Variants in CEP112 observed in about 807,000 individuals in gnomAD.
CEP112 encodes centrosomal protein of 112 kDa.
In CEP112, 127 loss-of-function variants were observed where a neutral mutation model predicts 153.0. That is an observed-to-expected ratio of 0.83 (90% CI 0.72 to 0.96). The LOEUF (loss-of-function observed/expected upper bound fraction) is 0.96, where lower values mean the gene tolerates loss of function less well. Ranked by LOEUF, CEP112 falls within the 40% of genes least tolerant of loss-of-function variation. CEP112 has a pLI of 0.00. For missense variants in CEP112, 1,089 were observed against 1,101.2 expected, an observed-to-expected ratio of 0.99 and a Z score of 0.16; for synonymous variants, 358 against 374.4, an observed-to-expected ratio of 0.96 and a Z score of 0.51.
intron 7 of CEP112, 70 bp from the exon 8 acceptor site, chr17:66,096,398 C>G (rs2068346085): frequency 2.1e-6 from 3 of 1,450,524 alleles, no homozygotes; most frequent in Non-Finnish European, 1.9e-6. Flanking sequence ...AAGAAAACTT[C>G]TAAATTGCCT....
intron 23 of CEP112, among the ~76,000 whole-genome samples, chr17:65,733,777 C>T (rs982040826): frequency 3.9e-5 from 6 of 152,140 alleles, no homozygotes; most frequent in South Asian, 4.1e-4. Flanking sequence ...GCACTTCCAT[C>T]GAAACAAACA....
intron 24 of CEP112, among the ~76,000 whole-genome samples, chr17:65,678,315 C>T (rs1422822755): frequency 2.0e-5 from 3 of 152,050 alleles, no homozygotes; most frequent in Non-Finnish European, 4.4e-5. Flanking sequence ...TATTTGATCA[C>T]CCAGGTTAAT....
chr17:66,062,298 C>T (rs963720094), intron 11 of CEP112, among the ~76,000 whole-genome samples: 1 of 151,582 alleles, frequency 6.6e-6, no homozygotes, highest in African/African-American at 2.4e-5. Flanking sequence ...TAAAAATGGA[C>T]AATAATATAG....
intron 19 of CEP112, among the ~76,000 whole-genome samples, chr17:65,922,980 C>T (rs1458719699): frequency 3.9e-5 from 6 of 152,036 alleles, no homozygotes; most frequent in Admixed American, 3.3e-4. Flanking sequence ...AACCAGTTTC[C>T]AAGCAACTTC....
At chr17:65,850,411 C>T (rs2057888462) in intron 21 of CEP112, among the ~76,000 whole-genome samples, 1 of 152,092 alleles carries the variant, frequency 6.6e-6, no homozygotes, top group African/African-American at 2.4e-5. Context: ...TCCCACCCCC[C>T]AGCATATTCC....
intron 21 of CEP112, among the ~76,000 whole-genome samples, chr17:65,849,895 T>C (rs1250106169): frequency 6.6e-6 from 1 of 152,164 alleles, no homozygotes; most frequent in Non-Finnish European, 1.5e-5. Context: ...GGCTTACGCC[T>C]GTAATCCCAG....
intron 18 of CEP112, among the ~76,000 whole-genome samples, chr17:65,937,500 GCAA>G (rs1188674629): frequency 2.5e-5 from 3 of 118,886 alleles, no homozygotes; most frequent in Admixed American, 1.1e-4. Context: ...CCTCTGCCTG[GCAA>G]CCGCCCCGTC....
intron 18 of CEP112, 97 bp from the exon 19 acceptor site, chr17:65,927,786 C>T: frequency 1.7e-6 from 1 of 584,818 alleles, no homozygotes; most frequent in Non-Finnish European, 2.8e-6. Context: ...AGATTTTAAG[C>T]ACCTCACCAA....
chr17:65,757,126 C>A (rs1283518100), intron 21 of CEP112, among the ~76,000 whole-genome samples: 1 of 152,144 alleles, frequency 6.6e-6, no homozygotes, highest in Non-Finnish European at 1.5e-5. Context: ...TAGCAAGAGG[C>A]CTCAGGAAAG....
At chr17:65,886,303 C>T (rs1261479639) in intron 20 of CEP112, among the ~76,000 whole-genome samples, 1 of 152,126 alleles carries the variant, frequency 6.6e-6, no homozygotes, top group Non-Finnish European at 1.5e-5. Flanking sequence ...GATGTCAGTA[C>T]ACTGAGTAAG....
intron 18 of CEP112, among the ~76,000 whole-genome samples, chr17:65,934,787 T>TA (rs2061248196): frequency 6.6e-6 from 1 of 152,200 alleles, no homozygotes; most frequent in East Asian, 1.9e-4. Context: ...CACACTGCTA[T>TA]CAAGACATAC....
intron 16 of CEP112, among the ~76,000 whole-genome samples, chr17:66,008,454 A>G (rs4791103): frequency 0.41 from 62,459 of 151,898 alleles, 14,311 homozygotes; most frequent in East Asian, 0.87. Flanking sequence ...CCTGAACTCA[A>G]GTGATCCCCC....
intron 23 of CEP112, among the ~76,000 whole-genome samples, chr17:65,738,342 T>A (rs147720167): frequency 3.2e-4 from 49 of 152,294 alleles, no homozygotes; most frequent in Non-Finnish European, 5.6e-4. Flanking sequence ...GCAGAAAGTA[T>A]AAGGGTGCAA....
chr17:65,966,889 T>C (rs1246076167), intron 17 of CEP112, among the ~76,000 whole-genome samples: 5 of 152,198 alleles, frequency 3.3e-5, no homozygotes, highest in Non-Finnish European at 7.3e-5. Flanking sequence ...ATTGAATATA[T>C]GGTAATACTT....
At chr17:66,110,766 G>A (rs577837926) in intron 6 of CEP112, among the ~76,000 whole-genome samples, 22 of 151,368 alleles carry the variant, frequency 1.5e-4, no homozygotes, top group Admixed American at 4.6e-4. Context: ...CCCTGGAAGA[G>A]AACCTAGGCA....
At chr17:65,964,949 T>G (rs907574202) in intron 17 of CEP112, among the ~76,000 whole-genome samples, 8 of 152,216 alleles carry the variant, frequency 5.3e-5, no homozygotes, top group Non-Finnish European at 1.0e-4. Context: ...ATCACTTACT[T>G]TTTAATTATG....
intron 21 of CEP112, among the ~76,000 whole-genome samples, chr17:65,751,998 CTAT>C (rs1598469627): frequency 1.6e-5 from 2 of 126,262 alleles, no homozygotes; most frequent in South Asian, 2.7e-4. Flanking sequence ...ATCTATCTAT[CTAT>C]CTACTGTTCC....
Position 65,773,723 on chromosome 17 carries a change from A to G in CEP112, c.2395-22999T>C, listed in dbSNP as rs112401163. Among the ~76,000 whole-genome samples the G allele has an allele frequency of 5.6e-3, 853 of 152,232 alleles. 10 individuals carry two copies. The highest frequency in any genetic ancestry group is 0.019 in the African/African-American group (796 of 41,548). Reference sequence around the variant, plus strand: ...GGATATTTCTGAAGTCTTAAACCTGATATTTTCTTCTACTCAGCCCTGCCC... The same window carrying G: ...GGATATTTCTGAAGTCTTAAACCTGGTATTTTCTTCTACTCAGCCCTGCCC... On this transcript the variant is annotated intron_variant, in intron 21 of 26. Transcript: ENST00000535342.
intron 8 of CEP112, among the ~76,000 whole-genome samples, chr17:66,077,494 C>T (rs1254955549): frequency 1.3e-5 from 2 of 152,038 alleles, no homozygotes; most frequent in African/African-American, 4.8e-5. Context: ...TCTAATTAAC[C>T]CAATCCAACA....
Sources: allele counts gnomAD v4.1 joint callset (sites outside exome capture counted in the v4.1 genomes callset), GRCh38; gene constraint gnomAD v4.1.1; transcripts MANE v1.5; gene names NCBI Gene and HGNC (gene_info 2026-07-23, HGNC 2026-07-21).